Variants in EXOC2 observed in about 807,000 individuals in gnomAD.
EXOC2 encodes exocyst complex component 2, also known as SEC5-like 1.
A neutral mutation model predicts 131.8 loss-of-function variants in EXOC2; 70 were observed. The ratio of observed to expected loss-of-function variants is 0.53; its 90% CI spans 0.44 to 0.65. The LOEUF (loss-of-function observed/expected upper bound fraction) is 0.65, where lower values mean the gene tolerates loss of function less well. Among genes scored for constraint, EXOC2 ranks in the 30% least tolerant of loss-of-function variants. EXOC2 has a pLI of 0.00. For synonymous variants in EXOC2, 411 were observed against 398.4 expected, an observed-to-expected ratio of 1.03 and a Z score of -0.38; for missense variants, 923 against 1,108.6, an observed-to-expected ratio of 0.83 and a Z score of 2.38.
intron 22 of EXOC2, among the ~76,000 whole-genome samples, chr6:544,461 A>C (rs1485690853): frequency 6.6e-6 from 1 of 152,214 alleles, no homozygotes; most frequent in Non-Finnish European, 1.5e-5. Flanking sequence ...TCAACTTATA[A>C]TTTCTGTCTG....
At chr6:625,424 T>C (rs1761508572) in intron 4 of EXOC2, among the ~76,000 whole-genome samples, 1 of 152,196 alleles carries the variant, frequency 6.6e-6, no homozygotes, top group Admixed American at 6.5e-5. Flanking sequence ...TGCTAGTTCT[T>C]TGTGTGCATG....
chr6:487,956 T>C (rs1204095653), intron 27 of EXOC2, among the ~76,000 whole-genome samples: 2 of 152,208 alleles, frequency 1.3e-5, no homozygotes, highest in African/African-American at 2.4e-5. Flanking sequence ...GCAGTGACTG[T>C]TTCAATCTTT....
At chr6:499,585 C>A in intron 24 of EXOC2, 60 bp downstream of exon 24, 1 of 1,417,854 alleles carries the variant, frequency 7.1e-7, no homozygotes, top group Non-Finnish European at 9.8e-7. Flanking sequence ...AAATTTACAT[C>A]TTTCTTTTTT....
intron 23 of EXOC2, among the ~76,000 whole-genome samples, chr6:522,612 A>C (rs1377260581): frequency 6.8e-6 from 1 of 147,500 alleles, no homozygotes; most frequent in Non-Finnish European, 1.5e-5. Flanking sequence ...GGCTGGGCTC[A>C]GGTGAAATGA....
intron 1 of EXOC2, among the ~76,000 whole-genome samples, chr6:641,862 C>T (rs1275449120): frequency 8.2e-6 from 1 of 122,442 alleles, no homozygotes; most frequent in Non-Finnish European, 1.8e-5. Flanking sequence ...CCACTGCAAT[C>T]CACCCTCAGC....
chr6:676,779 C>A (rs1452700328), intron 1 of EXOC2, among the ~76,000 whole-genome samples: 9 of 88,636 alleles, frequency 1.0e-4, no homozygotes, highest in Non-Finnish European at 1.6e-4. Context: ...ACAGGTTCCT[C>A]GGGAGACTCT....
At chr6:658,133 C>A (rs191211392) in intron 1 of EXOC2, among the ~76,000 whole-genome samples, 16 of 152,222 alleles carry the variant, frequency 1.1e-4, no homozygotes, top group Admixed American at 1.0e-3. Context: ...AGCTGATACA[C>A]ATAATTCACT....
intron 20 of EXOC2, among the ~76,000 whole-genome samples, chr6:554,471 T>C (rs1259494725): frequency 1.3e-5 from 2 of 152,124 alleles, no homozygotes; most frequent in African/African-American, 4.8e-5. Context: ...CAATTCCTGG[T>C]GAAATAATGA....
intron 12 of EXOC2, among the ~76,000 whole-genome samples, 182 bp downstream of exon 12, chr6:576,575 A>T (rs773805295): frequency 6.6e-6 from 1 of 152,212 alleles, no homozygotes; most frequent in Non-Finnish European, 1.5e-5. Context: ...CATTCCTTTA[A>T]ATGTAATATA....
intron 17 of EXOC2, 90 bp downstream of exon 17, chr6:562,694 C>T (rs552522778): frequency 1.4e-5 from 11 of 787,064 alleles, no homozygotes; most frequent in Admixed American, 7.2e-5. Flanking sequence ...AGAGCTGCAA[C>T]ACATGGAGCA....
intron 11 of EXOC2, among the ~76,000 whole-genome samples, chr6:587,248 ATT>A (rs199775367): frequency 3.4e-5 from 5 of 145,754 alleles, no homozygotes; most frequent in Non-Finnish European, 1.5e-5. Context: ...AGATATGTGT[ATT>A]TTTTTTTTTT....
At chr6:564,806 T>C in intron 14 of EXOC2, 58 bp downstream of exon 14, 1 of 1,584,674 alleles carries the variant, frequency 6.3e-7, no homozygotes, top group Non-Finnish European at 8.6e-7. Context: ...GAATACAAAG[T>C]GAGAAAGGAA....
intron 7 of EXOC2, among the ~76,000 whole-genome samples, chr6:605,235 G>A (rs1024703772): frequency 6.6e-6 from 1 of 152,204 alleles, no homozygotes; most frequent in Non-Finnish European, 1.5e-5. Flanking sequence ...GGCTGTGCAA[G>A]CTAAAATCCA....
At chr6:626,108 C>T (rs1040687330) in intron 4 of EXOC2, among the ~76,000 whole-genome samples, 1 of 152,224 alleles carries the variant, frequency 6.6e-6, no homozygotes, top group African/African-American at 2.4e-5. Flanking sequence ...TTTGTGACAA[C>T]TGCCATCGTA....
intron 24 of EXOC2, among the ~76,000 whole-genome samples, chr6:499,081 G>A (rs1413574619): frequency 6.6e-6 from 1 of 152,152 alleles, no homozygotes; most frequent in Non-Finnish European, 1.5e-5. Flanking sequence ...ATGAAAGCGT[G>A]TCAAGTGAGA....
chr6:573,320 A>C (rs1482162133), intron 12 of EXOC2, among the ~76,000 whole-genome samples: 1 of 152,184 alleles, frequency 6.6e-6, no homozygotes, highest in African/African-American at 2.4e-5. Flanking sequence ...AAGTGTAGAA[A>C]TTCAGGACCC....
intron 1 of EXOC2, among the ~76,000 whole-genome samples, chr6:674,169 A>G (rs962179264): frequency 6.6e-6 from 1 of 152,240 alleles, no homozygotes; most frequent in African/African-American, 2.4e-5. Context: ...GCAATTAGCC[A>G]AATTTGAATC....
At position 591,417 on chromosome 6, in the gene EXOC2, G is replaced by A. The variant is rs1412351741; in HGVS notation, c.1192+1052C>T. On this transcript the variant is annotated intron_variant, in intron 11 of 27. Transcript: ENST00000230449. ...AGGATTCAGAGGCCTTCTTGTGCTT[G>A]TAACCTGTGCACATTCTCCCTTCCT... Among the ~76,000 whole-genome samples the A allele has an allele frequency of 5.9e-5, 9 of 152,016 alleles. 1 individual carries two copies. Among genetic ancestry groups the A allele is most frequent in the Admixed American group, 5.2e-4 (8 of 15,264 alleles).
chr6:597,548 A>T (rs773305484), intron 10 of EXOC2, among the ~76,000 whole-genome samples: 29 of 152,178 alleles, frequency 1.9e-4, no homozygotes, highest in Non-Finnish European at 3.8e-4. Flanking sequence ...CTGACCACTA[A>T]AGGCTTGGAA....
Sources: gnomAD v4.1 joint callset for allele counts (sites outside exome capture counted in the v4.1 genomes callset) on GRCh38, gnomAD v4.1.1 for gene constraint, MANE v1.5 for transcripts, NCBI Gene and HGNC (gene_info 2026-07-23, HGNC 2026-07-21) for gene names.